CNTN5: variants seen among roughly 807,000 people sequenced by gnomAD.
CNTN5 encodes the protein contactin-5.
In CNTN5, 77 loss-of-function variants were observed where a neutral mutation model predicts 129.1. That is an observed-to-expected ratio of 0.60 (90% CI 0.50 to 0.72). CNTN5 has a LOEUF of 0.72. CNTN5 is among the 30% of genes least tolerant of loss of function. The probability of loss-of-function intolerance (pLI) is 0.00; values close to 1 mark genes in which losing one functional copy is unlikely to be tolerated. For missense variants in CNTN5, 1,478 were observed against 1,328.8 expected (o/e 1.11, Z -1.75); for synonymous variants, 509 against 465.6 (o/e 1.09, Z -1.20).
chr11:99,049,227 T>G (rs887297688), intron 1 of CNTN5, among the ~76,000 whole-genome samples: 3 of 152,312 alleles, frequency 2.0e-5, no homozygotes, highest in Admixed American at 6.5e-5. Flanking sequence ...TGAAGTTGAC[T>G]TGTGAAATTA....
At chr11:99,537,422 T>C (rs1361210395) in intron 2 of CNTN5, among the ~76,000 whole-genome samples, 1 of 152,132 alleles carries the variant, frequency 6.6e-6, no homozygotes, top group Non-Finnish European at 1.5e-5. Context: ...ATATTTTAAC[T>C]ACACCACAAA....
At chr11:99,060,334 G>T (rs1864821247) in intron 1 of CNTN5, among the ~76,000 whole-genome samples, 2 of 152,034 alleles carry the variant, frequency 1.3e-5, no homozygotes, top group Non-Finnish European at 2.9e-5. Flanking sequence ...GAAATATACA[G>T]AATTTTAAAT....
intron 7 of CNTN5, among the ~76,000 whole-genome samples, chr11:99,956,492 T>G (rs17134755): frequency 0.017 from 2,658 of 152,248 alleles, 58 homozygotes; most frequent in Admixed American, 0.054. Context: ...TCTTTGAGAA[T>G]GGAAAATTGT....
At chr11:99,593,285 G>A (rs1361548360) in intron 3 of CNTN5, among the ~76,000 whole-genome samples, 1 of 152,016 alleles carries the variant, frequency 6.6e-6, no homozygotes, top group Non-Finnish European at 1.5e-5. Context: ...TGAAGGATAT[G>A]TAATAAAAAT....
chr11:99,728,594 T>C (rs1039542502), intron 3 of CNTN5, among the ~76,000 whole-genome samples: 17 of 152,306 alleles, frequency 1.1e-4, no homozygotes, highest in African/African-American at 3.6e-4. Flanking sequence ...AGCAGCCTCA[T>C]AGTGATGTAG....
At chr11:99,628,633 C>T (rs7125553) in intron 3 of CNTN5, among the ~76,000 whole-genome samples, 59,079 of 150,542 alleles carry the variant, frequency 0.39, 11,880 homozygotes, top group Admixed American at 0.52. Context: ...CACACACACA[C>T]ACACACACAC....
chr11:99,669,080 C>CT (rs1952922858), intron 3 of CNTN5, among the ~76,000 whole-genome samples: 1 of 152,126 alleles, frequency 6.6e-6, no homozygotes, highest in Admixed American at 6.6e-5. Context: ...GATTTATACT[C>CT]TTACTTTGTC....
At chr11:99,409,877 G>T (rs1942311044) in intron 2 of CNTN5, among the ~76,000 whole-genome samples, 1 of 152,110 alleles carries the variant, frequency 6.6e-6, no homozygotes, top group African/African-American at 2.4e-5. Flanking sequence ...GGAAAGGAAA[G>T]CTTAATAATA....
chr11:100,288,141 T>C (rs1448149592), intron 18 of CNTN5, among the ~76,000 whole-genome samples: 2 of 151,952 alleles, frequency 1.3e-5, no homozygotes, highest in Non-Finnish European at 2.9e-5. Flanking sequence ...AGACTTAGAC[T>C]CCCACACATT....
At chr11:100,315,580 G>T (rs1366653030) in intron 21 of CNTN5, among the ~76,000 whole-genome samples, 1 of 152,010 alleles carries the variant, frequency 6.6e-6, no homozygotes, top group Admixed American at 6.6e-5. Context: ...TAACAATTAG[G>T]CTACATGAGA....
At chr11:99,383,683 A>G (rs1193922051) in intron 2 of CNTN5, among the ~76,000 whole-genome samples, 1 of 151,846 alleles carries the variant, frequency 6.6e-6, no homozygotes, top group Non-Finnish European at 1.5e-5. Context: ...TATTTAAAAT[A>G]TTTTTGTAAT....
intron 3 of CNTN5, among the ~76,000 whole-genome samples, chr11:99,733,091 C>T (rs72985850): frequency 0.041 from 6,187 of 151,816 alleles, 126 homozygotes; most frequent in Non-Finnish European, 0.05. Flanking sequence ...TTTGGGAGGC[C>T]GAGGTGCATG....
chr11:99,765,601 G>T (rs1944726079), intron 3 of CNTN5, among the ~76,000 whole-genome samples: 1 of 149,888 alleles, frequency 6.7e-6, no homozygotes. Context: ...ATTTTATTGG[G>T]GTCATTGAGA....
At chr11:99,781,075 C>T (rs1945294243) in intron 3 of CNTN5, among the ~76,000 whole-genome samples, 1 of 152,022 alleles carries the variant, frequency 6.6e-6, no homozygotes, top group Admixed American at 6.6e-5. Context: ...CAAATTTAGT[C>T]TTAGTTCTGG....
chr11:99,452,392 G>T (rs1237038831), intron 2 of CNTN5, among the ~76,000 whole-genome samples: 1 of 34,082 alleles, frequency 2.9e-5, no homozygotes. Context: ...TTTTTTTTTG[G>T]GACGGAGTCT....
chr11:99,284,735 C>A (rs921070884), intron 1 of CNTN5, among the ~76,000 whole-genome samples: 2 of 151,336 alleles, frequency 1.3e-5, no homozygotes, highest in Non-Finnish European at 2.9e-5. Flanking sequence ...CTAGTCTTCC[C>A]TAAAAGACTG....
At chr11:99,958,145 G>A (rs1950851746) in intron 8 of CNTN5, among the ~76,000 whole-genome samples, 1 of 152,116 alleles carries the variant, frequency 6.6e-6, no homozygotes. Flanking sequence ...GGAGAAACCA[G>A]TAGAAAAAAG....
intron 1 of CNTN5, among the ~76,000 whole-genome samples, chr11:99,166,091 C>T (rs1266723544): frequency 6.6e-6 from 1 of 152,090 alleles, no homozygotes; most frequent in African/African-American, 2.4e-5. Flanking sequence ...TGGTTCCCTA[C>T]TAGAAGCACA....
At chr11:99,497,471 TTAG>T (rs910619309) in intron 2 of CNTN5, among the ~76,000 whole-genome samples, 3 of 152,132 alleles carry the variant, frequency 2.0e-5, no homozygotes, top group African/African-American at 7.2e-5. Flanking sequence ...CTGTAGGAAC[TTAG>T]TAGTGGCAAA....
Sources: allele counts gnomAD v4.1 joint callset (sites outside exome capture counted in the v4.1 genomes callset), GRCh38; gene constraint gnomAD v4.1.1; transcripts MANE v1.5; gene names NCBI Gene and HGNC (gene_info 2026-07-23, HGNC 2026-07-21).